POTEC: variants seen among roughly 807,000 people sequenced by gnomAD.
The protein encoded by POTEC is POTE ankyrin domain family member C.
POTEC carries 35 observed loss-of-function variants against 62.0 expected under a neutral mutation model. That is an observed-to-expected ratio of 0.56 (90% CI 0.43 to 0.75). The LOEUF (loss-of-function observed/expected upper bound fraction) is 0.75, where lower values mean the gene tolerates loss of function less well. Ranked by LOEUF, POTEC falls within the 30% of genes least tolerant of loss-of-function variation. The probability of loss-of-function intolerance (pLI) is 0.00; values close to 1 mark genes in which losing one functional copy is unlikely to be tolerated. For synonymous variants in POTEC, 156 were observed against 221.5 expected (o/e 0.70, Z 2.62); for missense variants, 472 against 655.9 (o/e 0.72, Z 3.06).
chr18:14,522,722 T>C, intron 8 of POTEC, among the ~76,000 whole-genome samples: 1 of 151,998 alleles, frequency 6.6e-6, no homozygotes, highest in Non-Finnish European at 1.5e-5. Context: ...TCCCAAAAAC[T>C]CTTCAGAATC....
intron 4 of POTEC, among the ~76,000 whole-genome samples, chr18:14,533,789 T>C (rs563782097): frequency 6.6e-6 from 1 of 152,198 alleles, no homozygotes; most frequent in African/African-American, 2.4e-5. Context: ...GTAAATAACG[T>C]TCCCAATGTC....
chr18:14,521,211 A>G (rs1222508610), intron 9 of POTEC, among the ~76,000 whole-genome samples: 4 of 152,192 alleles, frequency 2.6e-5, no homozygotes, highest in African/African-American at 9.6e-5. Context: ...CAAAAATTTA[A>G]TAACTAGCAA....
intron 7 of POTEC, among the ~76,000 whole-genome samples, chr18:14,524,150 T>C (rs552737626): frequency 1.3e-5 from 2 of 152,286 alleles, no homozygotes; most frequent in South Asian, 2.1e-4. Context: ...GTACTAATTA[T>C]AGTGGATAAA....
chr18:14,543,135 C>T lies in POTEC; in HGVS notation c.12G>A (p.Glu4=), dbSNP rs1367997342. The T allele has an allele frequency of 1.2e-6, 2 of 1,613,882 alleles. No homozygotes were observed. Among genetic ancestry groups the T allele is most frequent in the East Asian group, 2.2e-5 (1 of 44,848 alleles). ...CAGAGGCAGCGGGCATTGAACAAAC[C>T]TCAGTCACCATCTGCTTTTAACAGC... MVT[E]VCSMPAASAV... Residue 4 remains glutamate (E), a synonymous_variant, in exon 1 of 11, where the codon GAG becomes GAA. Transcript: ENST00000358970.
intron 9 of POTEC, among the ~76,000 whole-genome samples, chr18:14,520,272 C>T (rs1426012964): frequency 6.6e-6 from 1 of 151,538 alleles, no homozygotes; most frequent in Non-Finnish European, 1.5e-5. Flanking sequence ...ACACATTTGG[C>T]ATTAAAAATG....
intron 3 of POTEC, 79 bp downstream of exon 3, chr18:14,537,722 G>A (rs1215373833): frequency 8.6e-6 from 13 of 1,506,302 alleles, no homozygotes; most frequent in African/African-American, 5.6e-5. Flanking sequence ...TTCCAAATAC[G>A]GAAAACTGGC....
chr18:14,528,448 T>C (rs1598479880), intron 6 of POTEC, among the ~76,000 whole-genome samples: 1 of 152,182 alleles, frequency 6.6e-6, no homozygotes, highest in Admixed American at 6.6e-5. Flanking sequence ...AATGAGCATG[T>C]GGTGTGACCC....
intron 1 of POTEC, among the ~76,000 whole-genome samples, chr18:14,542,319 C>T (rs1567916870): frequency 6.6e-6 from 1 of 152,144 alleles, no homozygotes; most frequent in Non-Finnish European, 1.5e-5. Context: ...GTGTATAGAA[C>T]ATTGTTTTAA....
chr18:14,542,114 T>C (rs1474928366), intron 1 of POTEC, among the ~76,000 whole-genome samples: 1 of 152,048 alleles, frequency 6.6e-6, no homozygotes, highest in African/African-American at 2.4e-5. Flanking sequence ...GCTCACATCT[T>C]AAGAAAAACG....
rs564673071 is a variant in POTEC, at chr18:14,543,076, A to G, written c.71T>C (p.Met24Thr). ...GAAGCGGTGGTGAAACCACTTGCCC[A>G]TCTTGCTCCTGAGATCGAATGGCTT... ...VKKPFDLRSKMGKWFHHRFPC... is the reference protein window; with the variant it reads ...VKKPFDLRSKTGKWFHHRFPC... Residue 24 changes from methionine (M) to threonine (T), a missense_variant, in exon 1 of 11, where the codon ATG becomes ACG. Around this residue, in one of 5 missense-constraint regions of POTEC, gnomAD observed 257 missense variants for 250.7 expected, o/e 1.03. Coordinates refer to ENST00000358970, the MANE Select transcript of POTEC (RefSeq NM_001137671.2). 23 of 1,613,126 alleles carry G rather than the reference A, an allele frequency of 1.4e-5. No homozygotes were observed. In the African/African-American group the frequency reaches 2.8e-4, roughly 20 times the overall value.
At chr18:14,525,712 C>T (rs979173039) in intron 6 of POTEC, among the ~76,000 whole-genome samples, 2 of 151,344 alleles carry the variant, frequency 1.3e-5, no homozygotes, top group Non-Finnish European at 2.9e-5. Flanking sequence ...ATCCGCTGAG[C>T]TGGTGTGCAC....
At chr18:14,537,719 T>C (rs560532764) in intron 3 of POTEC, 82 bp downstream of exon 3, 6 of 1,486,272 alleles carry the variant, frequency 4.0e-6, no homozygotes, top group Non-Finnish European at 4.6e-6. Context: ...AGCTTCCAAA[T>C]ACGGAAAACT....
intron 10 of POTEC, among the ~76,000 whole-genome samples, chr18:14,513,009 TA>T (rs2143105654): frequency 6.6e-6 from 1 of 152,370 alleles, no homozygotes; most frequent in South Asian, 2.1e-4. Flanking sequence ...CTTTCCTCTT[TA>T]TAATGTTTGA....
chr18:14,533,977 G>T (rs1300432811), intron 4 of POTEC, among the ~76,000 whole-genome samples: 3 of 148,850 alleles, frequency 2.0e-5, no homozygotes, highest in East Asian at 2.0e-4. Flanking sequence ...ACATTGTGCA[G>T]GTTAGTTACA....
At chr18:14,523,303 T>C (rs1305414141) in intron 8 of POTEC, among the ~76,000 whole-genome samples, 160 bp downstream of exon 8, 18 of 150,628 alleles carry the variant, frequency 1.2e-4, no homozygotes, top group Non-Finnish European at 2.2e-4. Flanking sequence ...TCTTGAAAAC[T>C]CAATGTACAG....
In POTEC at chr18:14,534,953, T is replaced by C. The variant is rs1905661736; in HGVS notation, c.865A>G (p.Lys289Glu). ...TTAGCTTTTTTCTTGATTAAAAATTTCACCACTTGCTGTTTTTGTTCATGT... is the reference window on the plus strand; with the variant it reads ...TTAGCTTTTTTCTTGATTAAAAATTCCACCACTTGCTGTTTTTGTTCATGT... ...GVHEQKQQVV[K>E]FLIKKKANLN... The change falls in exon 4 of 11, where the codon AAA becomes GAA. Residue 289 changes from lysine (K) to glutamate (E), a missense_variant. Lys to Glu is a moderately conservative substitution (Grantham distance 56). Around this residue, in one of 5 missense-constraint regions of POTEC, gnomAD observed 83 missense variants for 254.3 expected, o/e 0.33. Transcript: ENST00000358970. The C allele has an allele frequency of 6.3e-7, 1 of 1,593,464 alleles. No homozygotes were observed. Among genetic ancestry groups the C allele is most frequent in the East Asian group, 2.3e-5 (1 of 43,974 alleles).
At chr18:14,526,943 GT>G (rs1910452160) in intron 6 of POTEC, among the ~76,000 whole-genome samples, 1 of 152,104 alleles carries the variant, frequency 6.6e-6, no homozygotes, top group African/African-American at 2.4e-5. Context: ...ATGATACTAC[GT>G]AGCAAATTCT....
intron 5 of POTEC, 143 bp from the exon 6 acceptor site, chr18:14,530,696 A>G: frequency 1.1e-6 from 1 of 938,404 alleles, no homozygotes; most frequent in Non-Finnish European, 1.5e-6. Context: ...TTATGAGTAC[A>G]TTCTACAAAC....
intron 9 of POTEC, among the ~76,000 whole-genome samples, chr18:14,519,408 A>G (rs1237886163): frequency 2.0e-5 from 3 of 152,140 alleles, no homozygotes; most frequent in Non-Finnish European, 4.4e-5. Context: ...AATCACTAGC[A>G]TATACACAGT....
Sources: gnomAD v4.1 joint callset for allele counts (sites outside exome capture counted in the v4.1 genomes callset) on GRCh38, gnomAD v4.1.1 for gene constraint, gnomAD v4.1.1 regional missense constraint, MANE v1.5 for transcripts, NCBI Gene and HGNC (gene_info 2026-07-23, HGNC 2026-07-21) for gene names.